The following KIRREL3 variants were observed in gnomAD, a reference collection of about 807,000 sequenced individuals.
The protein encoded by KIRREL3 is kin of IRRE-like protein 3.
In KIRREL3, 36 loss-of-function variants were observed where a neutral mutation model predicts 89.7. That is an observed-to-expected ratio of 0.40 (90% CI 0.31 to 0.53). The LOEUF is 0.53. Ranked by LOEUF, KIRREL3 falls within the 20% of genes least tolerant of loss-of-function variation. KIRREL3 has a pLI of 0.49. For missense variants in KIRREL3, 864 were observed against 1,056.6 expected (o/e 0.82, Z 2.53); for synonymous variants, 445 against 441.4 (o/e 1.01, Z -0.10).
At chr11:126,984,806 G>T (rs888091072) in intron 1 of KIRREL3, among the ~76,000 whole-genome samples, 1 of 152,142 alleles carries the variant, frequency 6.6e-6, no homozygotes, top group African/African-American at 2.4e-5. Context: ...AGCTTCCTCT[G>T]CCAAGAACCC....
Position 126,607,098 on chromosome 11 carries a change from T to G in KIRREL3, c.56-44186A>C, listed in dbSNP as rs577691090. ...GCAGCCAAGAACCAACCACAGGGCTTGTCGTGGGGCTTATGAGTAGCTAGG... is the reference window on the plus strand; with the variant it reads ...GCAGCCAAGAACCAACCACAGGGCTGGTCGTGGGGCTTATGAGTAGCTAGG... On this transcript the variant is annotated intron_variant, in intron 1 of 16. Transcript: ENST00000525144. This position sits in a 1 kb window ranked among gnomAD's most constrained non-coding sequence, Gnocchi z 6.6. Among the ~76,000 whole-genome samples the G allele has an allele frequency of 1.3e-5, 2 of 152,152 alleles. No individual in the cohort carries two copies. Among genetic ancestry groups the G allele is most frequent in the African/African-American group, 2.4e-5 (1 of 41,438 alleles).
In KIRREL3 at chr11:126,508,892, C is replaced by T. The variant is rs749515639; in HGVS notation, c.433+12423G>A. Among the ~76,000 whole-genome samples the T allele has an allele frequency of 2.0e-5, 3 of 152,120 alleles. No homozygotes were observed. The highest frequency in any genetic ancestry group is 2.4e-5 in the African/African-American group (1 of 41,432). On this transcript the variant is annotated intron_variant, in intron 4 of 16. Coordinates refer to ENST00000525144, the MANE Select transcript of KIRREL3 (RefSeq NM_032531.4). This position sits in a 1 kb window ranked among gnomAD's most constrained non-coding sequence, Gnocchi z 4.9. ...CTGTCATAGAGTGGCAGCTCACCAGCGTCACCCTTGCCCTTCTCTCTTCTC... is the reference window on the plus strand; with the variant it reads ...CTGTCATAGAGTGGCAGCTCACCAGTGTCACCCTTGCCCTTCTCTCTTCTC...
chr11:126,714,718 C>A (rs529545495), intron 1 of KIRREL3, among the ~76,000 whole-genome samples: 2 of 152,260 alleles, frequency 1.3e-5, no homozygotes, highest in South Asian at 4.2e-4. Flanking sequence ...TTACTGGCGT[C>A]TTTCCTTCCT....
At chr11:126,833,120 C>T (rs566922520) in intron 1 of KIRREL3, among the ~76,000 whole-genome samples, 104 of 152,304 alleles carry the variant, frequency 6.8e-4, no homozygotes, top group African/African-American at 2.4e-3. Context: ...AGATGCTTGT[C>T]TCCAACTATT....
Position 126,905,523 on chromosome 11 carries a change from T to G in KIRREL3, c.55+94932A>C, listed in dbSNP as rs1946545622. ...ATTTGTGGCATTTACTGTTCATCGC[T>G]CAGGGGTCAGAGGGTGGGGAGAGGG... On this transcript the variant is annotated intron_variant, in intron 1 of 16. Coordinates refer to ENST00000525144, the MANE Select transcript of KIRREL3 (RefSeq NM_032531.4). The surrounding 1 kb of genome is among the most constrained non-coding windows in gnomAD (Gnocchi z 5.0). Among the ~76,000 whole-genome samples, 1 of 152,072 alleles carries G rather than the reference T, an allele frequency of 6.6e-6. No homozygotes were observed. The highest frequency in any genetic ancestry group is 1.5e-5 in the Non-Finnish European group (1 of 68,002).
At chr11:126,442,265 AAAAAAAAC>A (rs1179815953) in intron 10 of KIRREL3, among the ~76,000 whole-genome samples, 1 of 122,522 alleles carries the variant, frequency 8.2e-6, no homozygotes, top group Admixed American at 9.9e-5. Flanking sequence ...CAGCTCAAAA[AAAAAAAAC>A]AAAAAAAAAA....
At chr11:126,706,273 A>G (rs1422459239) in intron 1 of KIRREL3, among the ~76,000 whole-genome samples, 1 of 152,232 alleles carries the variant, frequency 6.6e-6, no homozygotes, top group African/African-American at 2.4e-5. Context: ...ATTCATTTAA[A>G]TAAATATTTA....
Position 126,747,794 on chromosome 11 carries a change from C to T in KIRREL3, c.56-184882G>A, listed in dbSNP as rs1208972101. ...TGTGCAGAGAGTCATGTGAGAACCCCTGTTCCCCTCCCTCTGCTTGGCAGA... is the reference window on the plus strand; with the variant it reads ...TGTGCAGAGAGTCATGTGAGAACCCTTGTTCCCCTCCCTCTGCTTGGCAGA... On this transcript the variant is annotated intron_variant, in intron 1 of 16. Coordinates refer to ENST00000525144, the MANE Select transcript of KIRREL3 (RefSeq NM_032531.4). This position sits in a 1 kb window ranked among gnomAD's most constrained non-coding sequence, Gnocchi z 4.7. Among the ~76,000 whole-genome samples the T allele has an allele frequency of 1.3e-5, 2 of 152,146 alleles. No homozygotes were observed. The highest frequency in any genetic ancestry group is 2.9e-5 in the Non-Finnish European group (2 of 68,028).
At chr11:126,634,210 G>A (rs1944170458) in intron 1 of KIRREL3, among the ~76,000 whole-genome samples, 1 of 152,244 alleles carries the variant, frequency 6.6e-6, no homozygotes, top group African/African-American at 2.4e-5. Flanking sequence ...TCTGAGTAAG[G>A]TGGAATCAGA....
At position 126,557,154 on chromosome 11, in the gene KIRREL3, C is replaced by T. The variant is rs1388500336; in HGVS notation, c.133+5681G>A. Among the ~76,000 whole-genome samples, 1 of 152,176 alleles carries T rather than the reference C, an allele frequency of 6.6e-6. No individual in the cohort carries two copies. The highest frequency in any genetic ancestry group is 1.5e-5 in the Non-Finnish European group (1 of 68,020). On this transcript the variant is annotated intron_variant, in intron 2 of 16. Coordinates refer to ENST00000525144, the MANE Select transcript of KIRREL3 (RefSeq NM_032531.4). This position sits in a 1 kb window ranked among gnomAD's most constrained non-coding sequence, Gnocchi z 5.6. ...CTGGGTCAGGTCCCCAGGCCAAGGACCCTGGCCTGCTGCTTCCCCTCTGCC... is the reference window on the plus strand; with the variant it reads ...CTGGGTCAGGTCCCCAGGCCAAGGATCCTGGCCTGCTGCTTCCCCTCTGCC...
At position 126,605,999 on chromosome 11, in the gene KIRREL3, G is replaced by T. The variant is rs1320170296; in HGVS notation, c.56-43087C>A. 2.0e-5 allele frequency among the ~76,000 whole-genome samples: 3 copies of T among 152,290 alleles called. No homozygotes were observed. The highest frequency in any genetic ancestry group is 2.9e-5 in the Non-Finnish European group (2 of 68,024). On this transcript the variant is annotated intron_variant, in intron 1 of 16. Coordinates refer to ENST00000525144, the MANE Select transcript of KIRREL3 (RefSeq NM_032531.4). This position sits in a 1 kb window ranked among gnomAD's most constrained non-coding sequence, Gnocchi z 5.7. ...GAGCCATAGTGTGGTCCAGAGGGAC[G>T]CAGGCCATCTTGGGAAGGAATCCCA... is the stretch of plus-strand genomic sequence containing the variant.
In KIRREL3 at chr11:126,661,730, T is replaced by C. The variant is rs551016305; in HGVS notation, c.56-98818A>G. 3.9e-5 allele frequency among the ~76,000 whole-genome samples: 6 copies of C among 152,312 alleles called. No individual in the cohort carries two copies. In the South Asian group the frequency reaches 8.3e-4, roughly 21 times the overall value. Reference sequence around the variant, plus strand: ...ATCACCTGAGGGAGCTAGAAAACTATGGATACCCAGGCTCCATCCCCAGAG... The same window carrying C: ...ATCACCTGAGGGAGCTAGAAAACTACGGATACCCAGGCTCCATCCCCAGAG... On this transcript the variant is annotated intron_variant, in intron 1 of 16. Coordinates refer to ENST00000525144, the MANE Select transcript of KIRREL3 (RefSeq NM_032531.4).
chr11:126,469,111 G>A (rs554782327), intron 5 of KIRREL3, among the ~76,000 whole-genome samples: 9 of 152,308 alleles, frequency 5.9e-5, no homozygotes, highest in South Asian at 2.1e-4. Flanking sequence ...TGCTGCTGTC[G>A]TTCCCATTGT....
chr11:126,673,483 G>A (rs1415679920), intron 1 of KIRREL3, among the ~76,000 whole-genome samples: 3 of 152,160 alleles, frequency 2.0e-5, no homozygotes, highest in Admixed American at 2.0e-4. Context: ...AGGAATTTAT[G>A]CTGATTTTCA....
At chr11:126,818,882 TTAGACA>T (rs918540871) in intron 1 of KIRREL3, among the ~76,000 whole-genome samples, 2 of 152,090 alleles carry the variant, frequency 1.3e-5, no homozygotes, top group Non-Finnish European at 2.9e-5. Context: ...TTTGACTTCC[TTAGACA>T]TGAGACATGT....
At position 126,742,656 on chromosome 11, in the gene KIRREL3, G is replaced by T. The variant is rs965471154; in HGVS notation, c.56-179744C>A. Among the ~76,000 whole-genome samples the T allele has an allele frequency of 1.3e-5, 2 of 152,210 alleles. No homozygotes were observed. Among genetic ancestry groups the T allele is most frequent in the African/African-American group, 4.8e-5 (2 of 41,446 alleles). The stretch of plus-strand genomic sequence containing the variant: ...ATGGTTGAACTGGGACATCAGCCTA[G>T]GTATGTCTAACTCCGAATTTTATTT... On this transcript the variant is annotated intron_variant, in intron 1 of 16. Transcript: ENST00000525144. This position sits in a 1 kb window ranked among gnomAD's most constrained non-coding sequence, Gnocchi z 5.3.
chr11:126,629,756 C>T (rs976527972), intron 1 of KIRREL3, among the ~76,000 whole-genome samples: 3 of 152,176 alleles, frequency 2.0e-5, no homozygotes, highest in Non-Finnish European at 4.4e-5. Flanking sequence ...CATCTCAGGG[C>T]TGGTTGTGTC....
intron 7 of KIRREL3, among the ~76,000 whole-genome samples, chr11:126,450,391 G>GT (rs1956004563): frequency 6.6e-6 from 1 of 151,070 alleles, no homozygotes; most frequent in African/African-American, 2.4e-5. Context: ...GTGTGAGTGT[G>GT]GGTATGTGTG....
chr11:126,886,557 T>C (rs1945703040), intron 1 of KIRREL3, among the ~76,000 whole-genome samples: 1 of 152,230 alleles, frequency 6.6e-6, no homozygotes, highest in African/African-American at 2.4e-5. Context: ...AAACAGGTGT[T>C]GGATAATTCA....
Sources: gnomAD v4.1 joint callset for allele counts (sites outside exome capture counted in the v4.1 genomes callset) on GRCh38, gnomAD v4.1.1 for gene constraint, Gnocchi (gnomAD v3.1) non-coding constraint, MANE v1.5 for transcripts, NCBI Gene and HGNC (gene_info 2026-07-23, HGNC 2026-07-21) for gene names.